The following TNKS2 variants were observed in gnomAD, a reference collection of about 807,000 sequenced individuals.
TNKS2 encodes the protein tankyrase 2.
A neutral mutation model predicts 137.6 loss-of-function variants in TNKS2; 72 were observed. The observed-to-expected ratio is 0.52, with a 90% CI of 0.43 to 0.64. The LOEUF (loss-of-function observed/expected upper bound fraction) is 0.64, where lower values mean the gene tolerates loss of function less well. Among genes scored for constraint, TNKS2 ranks in the 30% least tolerant of loss-of-function variants. The pLI is 0.00. For synonymous variants in TNKS2, 516 were observed against 512.1 expected, an observed-to-expected ratio of 1.01 and a Z score of -0.10; for missense variants, 1,049 against 1,410.2, an observed-to-expected ratio of 0.74 and a Z score of 4.10.
At position 91,832,316 on chromosome 10, in the gene TNKS2, A is replaced by G. The variant is rs192403351; in HGVS notation, c.1275+1135A>G. Among the ~76,000 whole-genome samples, 482 of 152,248 alleles carry G rather than the reference A, an allele frequency of 3.2e-3. 2 individuals are homozygous for G. Among genetic ancestry groups the G allele is most frequent in the Non-Finnish European group, 5.8e-3 (396 of 68,004 alleles). Reference sequence around the variant, plus strand: ...TATTGAATTAGAGTTGTGACACTCAATGAAACAATCTTGACTAGGGTGACC... The same window carrying G: ...TATTGAATTAGAGTTGTGACACTCAGTGAAACAATCTTGACTAGGGTGACC... On this transcript the variant is annotated intron_variant, in intron 11 of 26. Coordinates refer to ENST00000371627, the MANE Select transcript of TNKS2 (RefSeq NM_025235.4).
In TNKS2 at chr10:91,842,208, A is replaced by C. The variant is rs754572790; in HGVS notation, c.1876A>C (p.Asn626His). 80 of 1,614,024 alleles carry C rather than the reference A, an allele frequency of 5.0e-5. No individual in the cohort carries two copies. The highest frequency in any genetic ancestry group is 6.8e-5 in the Non-Finnish European group (80 of 1,179,944). Residue 626 changes from asparagine (N) to histidine (H), a missense_variant, in exon 16 of 27, where the codon AAT (asparagine) becomes CAT (histidine). By Grantham distance (68) the Asn-to-His change is moderately conservative. Coordinates refer to ENST00000371627, the MANE Select transcript of TNKS2 (RefSeq NM_025235.4). ...CCCTACAAAAAAAAACAGGGATGGA[A>C]ATACTCCTTTGGATCTTGTTAAAGA... ...ADPTKKNRDG[N>H]TPLDLVKDGD...
At chr10:91,822,670 A>T (rs1464670745) in intron 7 of TNKS2, among the ~76,000 whole-genome samples, 5 of 151,370 alleles carry the variant, frequency 3.3e-5, no homozygotes, top group Non-Finnish European at 7.4e-5. Context: ...GGTTCAAAGG[A>T]TTCTCCTGCC....
chr10:91,810,230 T>G (rs1844453288), intron 1 of TNKS2, among the ~76,000 whole-genome samples: 1 of 151,682 alleles, frequency 6.6e-6, no homozygotes, highest in Admixed American at 6.6e-5. Context: ...ACAAAAAAAT[T>G]AGCCAGGCAT....
Position 91,855,096 on chromosome 10 carries a change from T to C in TNKS2, c.2883T>C (p.Asp961=), listed in dbSNP as rs1842664918. 1 of 1,611,328 alleles carries C rather than the reference T, an allele frequency of 6.2e-7. No homozygotes were observed. The highest frequency in any genetic ancestry group is 1.3e-5 in the African/African-American group (1 of 74,988). The part of the protein sequence containing the change: ...SGTILIDLSP[D]DKEFQSVEEE... ...CAATTCTTATAGATCTGTCTCCTGA[T>C]GATAAAGAGTTTCAGTCTGTGGAGG... The change falls in exon 22 of 27, where the codon GAT becomes GAC. Residue 961 remains aspartate (D), a synonymous_variant. Transcript: ENST00000371627.
chr10:91,840,469 T>A (rs1464233304), intron 13 of TNKS2, 92 bp from the exon 14 acceptor site: 1 of 1,151,054 alleles, frequency 8.7e-7, no homozygotes, highest in Non-Finnish European at 1.2e-6. Flanking sequence ...AGAAAATAAG[T>A]CAGACACTTT....
At position 91,798,718 on chromosome 10, in the gene TNKS2, G is replaced by C. The variant is rs1844051772; in HGVS notation, c.28G>C (p.Gly10Arg). 5 of 1,239,614 alleles carry C rather than the reference G, an allele frequency of 4.0e-6. No homozygotes were observed. Among genetic ancestry groups the C allele is most frequent in the Non-Finnish European group, 5.1e-6 (5 of 987,878 alleles). 76.8% of individuals were successfully genotyped at this position (1,239,614 alleles called of 1,614,324 possible). MSGRRCAGG[G>R]AACASAAAEA... ...GTCGGGTCGCCGCTGCGCCGGCGGG[G>C]GAGCGGCCTGCGCGAGCGCCGCGGC... Residue 10 changes from glycine (G) to arginine (R), a missense_variant, in exon 1 of 27, where the codon GGA (glycine) becomes CGA (arginine). By Grantham distance (125) the Gly-to-Arg change is moderately radical. Around this residue, in one of 6 missense-constraint regions of TNKS2, gnomAD observed 374 missense variants for 460.8 expected, o/e 0.81. Coordinates refer to ENST00000371627, the MANE Select transcript of TNKS2 (RefSeq NM_025235.4).
Position 91,828,352 on chromosome 10 carries a change from T to C in TNKS2, c.1050T>C (p.His350=). 1 of 1,609,200 alleles carries C rather than the reference T, an allele frequency of 6.2e-7. No homozygotes were observed. Among genetic ancestry groups the C allele is most frequent in the Non-Finnish European group, 8.5e-7 (1 of 1,178,100 alleles). The part of the protein sequence containing the change: ...READVTRIKK[H]LSLEMVNFKH... ...CTGATGTTACTCGAATCAAAAAACA[T>C]CTCTCTCTGGAAATGGTGAATTTCA... The change falls in exon 9 of 27, where the codon CAT becomes CAC. Residue 350 remains histidine, a synonymous_variant. Coordinates refer to ENST00000371627, the MANE Select transcript of TNKS2 (RefSeq NM_025235.4).
At chr10:91,841,094 A>G (rs548797444) in intron 14 of TNKS2, among the ~76,000 whole-genome samples, 189 bp from the exon 15 acceptor site, 1 of 152,266 alleles carries the variant, frequency 6.6e-6, no homozygotes, top group African/African-American at 2.4e-5. Flanking sequence ...CATTTAAAAC[A>G]TTTTTTAAAT....
intron 21 of TNKS2, 52 bp from the exon 22 acceptor site, chr10:91,854,977 G>T: frequency 4.1e-6 from 4 of 980,168 alleles, no homozygotes; most frequent in East Asian, 2.6e-5. Flanking sequence ...TGGTTTTGAT[G>T]TTCATTGTTT....
At chr10:91,840,977 G>T (rs1842192077) in intron 14 of TNKS2, among the ~76,000 whole-genome samples, 1 of 152,072 alleles carries the variant, frequency 6.6e-6, no homozygotes, top group Non-Finnish European at 1.5e-5. Flanking sequence ...AAATTTTTCA[G>T]TTTCCATGGA....
chr10:91,851,161 A>G, intron 20 of TNKS2, 55 bp from the exon 21 acceptor site: 2 of 1,593,818 alleles, frequency 1.3e-6, no homozygotes, highest in South Asian at 2.3e-5. Flanking sequence ...ACACCAATAT[A>G]TGAATGTCCA....
intron 7 of TNKS2, 41 bp downstream of exon 7, chr10:91,822,403 T>C (rs770184194): frequency 4.7e-6 from 7 of 1,501,410 alleles, no homozygotes; most frequent in East Asian, 4.5e-5. Flanking sequence ...TCTAGAGTTA[T>C]ATAAAATAAC....
intron 11 of TNKS2, among the ~76,000 whole-genome samples, chr10:91,833,026 A>G (rs1295710925): frequency 2.0e-5 from 3 of 152,324 alleles, no homozygotes; most frequent in Non-Finnish European, 4.4e-5. Context: ...CACATCAACT[A>G]GAGTTTAATC....
chr10:91,806,207 T>C (rs1202709594), intron 1 of TNKS2, among the ~76,000 whole-genome samples: 1 of 152,190 alleles, frequency 6.6e-6, no homozygotes. Flanking sequence ...ATTTCATTCT[T>C]GAGGAATCAA....
chr10:91,835,372 C>G (rs961849663), intron 12 of TNKS2, among the ~76,000 whole-genome samples: 1 of 150,872 alleles, frequency 6.6e-6, no homozygotes, highest in East Asian at 1.9e-4. Flanking sequence ...TCACTGCAAC[C>G]TCTGCCTCCT....
In TNKS2 at chr10:91,857,468, A is replaced by G; in HGVS notation, c.3032A>G (p.His1011Arg). The part of the protein sequence containing the change: ...CNKKLWERYT[H>R]RRKEVSEENH... ...AAGAAACTATGGGAAAGATACACTC[A>G]CCGGAGAAAAGAAGTTTCTGAAGAA... Residue 1011 changes from histidine (H) to arginine (R), a missense_variant, in exon 24 of 27, where the codon CAC becomes CGC. His to Arg is a conservative substitution (Grantham distance 29). Transcript: ENST00000371627. The G allele has an allele frequency of 6.2e-7, 1 of 1,611,816 alleles. No homozygotes were observed. Among genetic ancestry groups the G allele is most frequent in the Non-Finnish European group, 8.5e-7 (1 of 1,178,554 alleles).
At chr10:91,809,489 A>T (rs1844430541) in intron 1 of TNKS2, among the ~76,000 whole-genome samples, 1 of 151,910 alleles carries the variant, frequency 6.6e-6, no homozygotes, top group African/African-American at 2.4e-5. Flanking sequence ...ACACGGTGAA[A>T]CCCCGTCTCT....
chr10:91,835,234 G>A (rs1841964074), intron 12 of TNKS2, among the ~76,000 whole-genome samples: 1 of 151,246 alleles, frequency 6.6e-6, no homozygotes, highest in Non-Finnish European at 1.5e-5. Context: ...CTGATTATGA[G>A]TAAGTTTGAA....
At chr10:91,837,180 C>T (rs1176629274) in intron 13 of TNKS2, among the ~76,000 whole-genome samples, 182 bp downstream of exon 13, 2 of 152,180 alleles carry the variant, frequency 1.3e-5, no homozygotes, top group African/African-American at 4.8e-5. Context: ...AGAAAGACTT[C>T]ACTTTCACCT....
Sources: allele counts gnomAD v4.1 joint callset (sites outside exome capture counted in the v4.1 genomes callset), GRCh38; gene constraint gnomAD v4.1.1; regional missense constraint gnomAD v4.1.1; transcripts MANE v1.5; gene names NCBI Gene and HGNC (gene_info 2026-07-23, HGNC 2026-07-21).